DLG2: variants seen among roughly 807,000 people sequenced by gnomAD.
DLG2 encodes the protein discs large MAGUK scaffold protein 2, also known as disks large homolog 2.
A neutral mutation model predicts 132.5 loss-of-function variants in DLG2; 45 were observed. The ratio of observed to expected loss-of-function variants is 0.34; its 90% CI spans 0.27 to 0.44. The LOEUF (loss-of-function observed/expected upper bound fraction) is 0.44, where lower values mean the gene tolerates loss of function less well. Ranked by LOEUF, DLG2 falls within the 20% of genes least tolerant of loss-of-function variation. DLG2 has a pLI of 1.00. For synonymous variants in DLG2, 424 were observed against 419.6 expected, an observed-to-expected ratio of 1.01 and a Z score of -0.13; for missense variants, 1,045 against 1,196.9, an observed-to-expected ratio of 0.87 and a Z score of 1.87.
At chr11:84,285,661 C>G (rs897366801) in intron 7 of DLG2, among the ~76,000 whole-genome samples, 2 of 152,126 alleles carry the variant, frequency 1.3e-5, no homozygotes, top group South Asian at 2.1e-4. Flanking sequence ...TGACCTAATG[C>G]CCCCTAGGGA....
At chr11:84,150,185 C>A (rs773322827) in intron 9 of DLG2, among the ~76,000 whole-genome samples, 17 of 152,172 alleles carry the variant, frequency 1.1e-4, no homozygotes, top group African/African-American at 1.7e-4. Flanking sequence ...TTCTTCCAAT[C>A]CATGAGGATG....
chr11:84,243,011 CTCTCTCTA>C (rs1280830672), intron 8 of DLG2, among the ~76,000 whole-genome samples: 6 of 145,654 alleles, frequency 4.1e-5, no homozygotes, highest in Non-Finnish European at 7.6e-5. Context: ...CTCTCTCTCT[CTCTCTCTA>C]TATATATATA....
In DLG2 at chr11:84,105,635, C is replaced by T. The variant is rs80174488; in HGVS notation, c.625-6588G>A. Among the ~76,000 whole-genome samples the T allele has an allele frequency of 3.4e-3, 514 of 152,174 alleles. 1 individual carries two copies. Among genetic ancestry groups the T allele is most frequent in the African/African-American group, 0.012 (494 of 41,536 alleles). ...TTTTCTTTGTTAAAACAAAACTTAG[C>T]TAGAAGTACTAAATTTGGGGTAAAG... is the stretch of plus-strand genomic sequence containing the variant. On this transcript the variant is annotated intron_variant, in intron 9 of 27. Transcript: ENST00000376104.
At chr11:84,312,839 C>A (rs531478485) in intron 7 of DLG2, among the ~76,000 whole-genome samples, 4 of 152,126 alleles carry the variant, frequency 2.6e-5, no homozygotes, top group Non-Finnish European at 4.4e-5. Context: ...AAGATGGAGT[C>A]TTGCTCTGTC....
chr11:85,425,108 C>T (rs143730375), intron 3 of DLG2, among the ~76,000 whole-genome samples: 2 of 152,036 alleles, frequency 1.3e-5, no homozygotes, highest in African/African-American at 4.8e-5. Flanking sequence ...ATGTGAATAA[C>T]AGATTGTAAA....
At chr11:84,098,245 G>A (rs761797338) in intron 10 of DLG2, among the ~76,000 whole-genome samples, 2 of 151,928 alleles carry the variant, frequency 1.3e-5, no homozygotes, top group Non-Finnish European at 2.9e-5. Context: ...GGCTATGCTG[G>A]CCAGGCTGGT....
At chr11:85,014,156 G>T (rs1207696416) in intron 6 of DLG2, among the ~76,000 whole-genome samples, 1 of 152,084 alleles carries the variant, frequency 6.6e-6, no homozygotes, top group Non-Finnish European at 1.5e-5. Flanking sequence ...TTTATACTAT[G>T]GCTTCACTCA....
intron 6 of DLG2, among the ~76,000 whole-genome samples, chr11:84,966,625 T>A (rs1382550761): frequency 6.6e-6 from 1 of 152,112 alleles, no homozygotes; most frequent in Admixed American, 6.6e-5. Flanking sequence ...TGAAAGATAT[T>A]TTTAGAAAGG....
chr11:83,847,889 C>T (rs998336810), intron 16 of DLG2, among the ~76,000 whole-genome samples: 1 of 152,186 alleles, frequency 6.6e-6, no homozygotes, highest in South Asian at 2.1e-4. Flanking sequence ...AAACGTTCCT[C>T]TCTGTATTTC....
intron 18 of DLG2, among the ~76,000 whole-genome samples, chr11:83,713,049 T>C (rs1335067993): frequency 2.0e-5 from 3 of 152,076 alleles, no homozygotes; most frequent in African/African-American, 7.2e-5. Context: ...ACTGAGAATA[T>C]ACAAAAAGGA....
chr11:84,522,057 A>G (rs1477061252), intron 7 of DLG2, among the ~76,000 whole-genome samples: 1 of 152,130 alleles, frequency 6.6e-6, no homozygotes, highest in Non-Finnish European at 1.5e-5. Flanking sequence ...AGTCCCAGCT[A>G]CTTGGGAAGC....
chr11:83,475,748 T>C (rs1172828652), intron 22 of DLG2, among the ~76,000 whole-genome samples: 2 of 151,720 alleles, frequency 1.3e-5, no homozygotes, highest in African/African-American at 4.9e-5. Flanking sequence ...CTCTCTTTCT[T>C]TCTTTGTTTC....
intron 6 of DLG2, among the ~76,000 whole-genome samples, chr11:84,745,911 T>C (rs960571824): frequency 6.6e-6 from 1 of 152,202 alleles, no homozygotes; most frequent in African/African-American, 2.4e-5. Flanking sequence ...GTACTGGCAA[T>C]ATTTAGCCCT....
intron 9 of DLG2, among the ~76,000 whole-genome samples, chr11:84,101,795 G>C (rs923885878): frequency 1.3e-5 from 2 of 152,112 alleles, no homozygotes; most frequent in African/African-American, 4.8e-5. Flanking sequence ...CTTGATTAAT[G>C]AGAGTAGGGA....
intron 6 of DLG2, among the ~76,000 whole-genome samples, chr11:84,959,563 C>G (rs78121044): frequency 0.014 from 2,119 of 152,186 alleles, 48 homozygotes; most frequent in African/African-American, 0.047. Context: ...TTCTGCAGAT[C>G]CCTAAAGCTT....
intron 3 of DLG2, among the ~76,000 whole-genome samples, chr11:85,556,419 T>G (rs2076944498): frequency 1.3e-5 from 2 of 151,906 alleles, no homozygotes; most frequent in Admixed American, 1.3e-4. Context: ...TTTATAACTT[T>G]CCTTGGACAT....
chr11:85,472,980 A>G (rs2093032471), intron 3 of DLG2, among the ~76,000 whole-genome samples: 1 of 152,230 alleles, frequency 6.6e-6, no homozygotes, highest in Admixed American at 6.5e-5. Context: ...GACATGCTGT[A>G]ACACTGCCTT....
chr11:84,056,792 T>G (rs937501805), intron 11 of DLG2, among the ~76,000 whole-genome samples: 2 of 152,138 alleles, frequency 1.3e-5, no homozygotes, highest in Non-Finnish European at 2.9e-5. Context: ...ATAGTTTTTC[T>G]GTAAATCAGT....
chr11:83,708,789 C>T (rs557588341), intron 18 of DLG2, among the ~76,000 whole-genome samples: 2 of 152,022 alleles, frequency 1.3e-5, no homozygotes, highest in South Asian at 2.1e-4. Flanking sequence ...AACCCAGATA[C>T]TAAGGAAGAA....
Sources: allele counts gnomAD v4.1 joint callset (sites outside exome capture counted in the v4.1 genomes callset), GRCh38; gene constraint gnomAD v4.1.1; transcripts MANE v1.5; gene names NCBI Gene and HGNC (gene_info 2026-07-23, HGNC 2026-07-21).